CAST: variants seen among roughly 807,000 people sequenced by gnomAD.
CAST encodes MIR583 host.
In CAST, 76 loss-of-function variants were observed where a neutral mutation model predicts 119.6. The ratio of observed to expected loss-of-function variants is 0.64; its 90% CI spans 0.53 to 0.77. The LOEUF is 0.77. Among genes scored for constraint, CAST ranks in the 30% least tolerant of loss-of-function variants. The probability of loss-of-function intolerance (pLI) is 0.00; values close to 1 mark genes in which losing one functional copy is unlikely to be tolerated. For missense variants in CAST, 953 were observed against 946.5 expected (o/e 1.01, Z -0.09); for synonymous variants, 319 against 331.6 (o/e 0.96, Z 0.41).
At chr5:96,381,450 G>T in the CAST span, among the ~76,000 whole-genome samples, 1 of 152,106 alleles carries the variant, frequency 6.6e-6, no homozygotes, top group Non-Finnish European at 1.5e-5. Context: ...AATTATTCTT[G>T]GATAATTTTG....
intron 1 of CAST, among the ~76,000 whole-genome samples, chr5:96,598,107 G>A (rs755008468): frequency 4.6e-5 from 7 of 152,116 alleles, no homozygotes; most frequent in Non-Finnish European, 7.4e-5. Context: ...TGTACAACCT[G>A]CTTGATGAGA....
the CAST span, among the ~76,000 whole-genome samples, chr5:96,402,126 A>G: frequency 6.6e-6 from 1 of 152,184 alleles, no homozygotes; most frequent in Non-Finnish European, 1.5e-5. Context: ...AGAGCCCATC[A>G]TGTACTGGCT....
chr5:96,127,436 G>A, the CAST span, among the ~76,000 whole-genome samples: 1 of 152,028 alleles, frequency 6.6e-6, no homozygotes, highest in East Asian at 1.9e-4. Context: ...ATATCCTCAA[G>A]TGTTACCACT....
At chr5:96,420,868 G>A in the CAST span, among the ~76,000 whole-genome samples, 1 of 152,144 alleles carries the variant, frequency 6.6e-6, no homozygotes, top group Admixed American at 6.5e-5. Context: ...GTGCCATCCA[G>A]AGAGAATAAA....
rs942080246 is a variant in CAST at position 96,634,970 on chromosome 5, A to G, written c.61-40569A>G. ...GTATAATGCCAAAGAATCACAAACA[A>G]CGTAATTCAGCAATAGACTGTGATA... On this transcript the variant is annotated intron_variant, in intron 1 of 11. Coordinates refer to the CAST transcript ENST00000505143. 2.0e-5 allele frequency among the ~76,000 whole-genome samples: 3 copies of G among 152,222 alleles called. 1 individual carries two copies. Among genetic ancestry groups the G allele is most frequent in the African/African-American group, 7.2e-5 (3 of 41,468 alleles).
chr5:96,287,608 C>G, the CAST span, among the ~76,000 whole-genome samples: 1 of 151,928 alleles, frequency 6.6e-6, no homozygotes, highest in African/African-American at 2.4e-5. Flanking sequence ...TTGCATTTGT[C>G]CTCTGTTAAA....
intron 1 of CAST, among the ~76,000 whole-genome samples, chr5:96,595,764 T>C (rs1171280503): frequency 6.6e-6 from 1 of 151,948 alleles, no homozygotes; most frequent in Non-Finnish European, 1.5e-5. Flanking sequence ...AAAAAACATA[T>C]AGCTTGGTTA....
the CAST span, among the ~76,000 whole-genome samples, chr5:96,195,694 A>G: frequency 6.6e-6 from 1 of 152,326 alleles, no homozygotes; most frequent in East Asian, 1.9e-4. Flanking sequence ...AGCTTGATAG[A>G]GGAATTAGAC....
the CAST span, among the ~76,000 whole-genome samples, chr5:96,489,686 C>T: frequency 1.3e-5 from 2 of 152,132 alleles, no homozygotes; most frequent in Admixed American, 1.3e-4. Context: ...TCAAAAACCA[C>T]AGCTGTCTAG....
chr5:96,040,436 TC>T, the CAST span, among the ~76,000 whole-genome samples: 1 of 152,302 alleles, frequency 6.6e-6, no homozygotes, highest in Middle Eastern at 3.4e-3. Flanking sequence ...AGAGAGGGCA[TC>T]CTTGTCTTGT....
chr5:96,493,441 T>A, the CAST span, among the ~76,000 whole-genome samples: 2 of 152,164 alleles, frequency 1.3e-5, no homozygotes, highest in Non-Finnish European at 2.9e-5. Context: ...GAAAAGTGGC[T>A]CAGCTTTTTC....
chr5:96,419,551 A>C, the CAST span, among the ~76,000 whole-genome samples: 1 of 151,528 alleles, frequency 6.6e-6, no homozygotes, highest in African/African-American at 2.4e-5. Context: ...AATTTCCTCA[A>C]GATCACCCAA....
At chr5:96,423,500 T>C in the CAST span, 1 of 1,603,648 alleles carries the variant, frequency 6.2e-7, no homozygotes. Context: ...AAATTATCAT[T>C]TGCTTGCTAC....
At chr5:96,078,105 G>A in the CAST span, among the ~76,000 whole-genome samples, 29 of 152,246 alleles carry the variant, frequency 1.9e-4, 1 homozygote, top group Admixed American at 1.8e-3. Context: ...CATGGCAGAG[G>A]GAGAGAGAGC....
At chr5:96,496,928 C>G in the CAST span, among the ~76,000 whole-genome samples, 1 of 151,800 alleles carries the variant, frequency 6.6e-6, no homozygotes, top group Admixed American at 6.6e-5. Flanking sequence ...GTTACATATG[C>G]ATACATGTGC....
the CAST span, among the ~76,000 whole-genome samples, chr5:96,487,445 CA>C: frequency 6.6e-6 from 1 of 152,212 alleles, no homozygotes; most frequent in South Asian, 2.1e-4. Context: ...TTTCCCACAT[CA>C]GTTATAGTTT....
At chr5:96,662,105 C>T (rs930966688), upstream of CAST, 1 of 298,362 alleles carries the variant, frequency 3.4e-6, no homozygotes, top group African/African-American at 2.2e-5. Flanking sequence ...CTGCAACCTC[C>T]AACCCCTTCT....
At chr5:96,262,474 T>C in the CAST span, among the ~76,000 whole-genome samples, 1 of 152,216 alleles carries the variant, frequency 6.6e-6, no homozygotes, top group African/African-American at 2.4e-5. Flanking sequence ...TGCTAGTAGC[T>C]GCTTAGGACT....
chr5:96,066,148 G>A, the CAST span, among the ~76,000 whole-genome samples: 1 of 152,178 alleles, frequency 6.6e-6, no homozygotes, highest in South Asian at 2.1e-4. Flanking sequence ...CATTAAAAGA[G>A]GTTTAAGTGT....
Sources: gnomAD v4.1 joint callset for allele counts (sites outside exome capture counted in the v4.1 genomes callset) on GRCh38, gnomAD v4.1.1 for gene constraint, MANE v1.5 for transcripts, NCBI Gene and HGNC (gene_info 2026-07-23, HGNC 2026-07-21) for gene names.